Variants in CNTN4 observed in about 807,000 individuals in gnomAD.
The protein encoded by CNTN4 is contactin 4.
A neutral mutation model predicts 122.5 loss-of-function variants in CNTN4; 77 were observed. The ratio of observed to expected loss-of-function variants is 0.63; its 90% CI spans 0.52 to 0.76. The LOEUF (loss-of-function observed/expected upper bound fraction) is 0.76, where lower values mean the gene tolerates loss of function less well. Ranked by LOEUF, CNTN4 falls within the 30% of genes least tolerant of loss-of-function variation. The pLI, the probability that CNTN4 is intolerant of heterozygous loss-of-function variation, is 0.00. For missense variants in CNTN4, 1,256 were observed against 1,259.1 expected, an observed-to-expected ratio of 1.00 and a Z score of 0.04; for synonymous variants, 512 against 447.0, an observed-to-expected ratio of 1.15 and a Z score of -1.83.
intron 3 of CNTN4, among the ~76,000 whole-genome samples, chr3:2,429,113 C>T (rs746530004): frequency 2.0e-5 from 3 of 152,158 alleles, no homozygotes; most frequent in African/African-American, 4.8e-5. Context: ...AGGTTTGTTC[C>T]ATTGCTGGCG....
intron 3 of CNTN4, among the ~76,000 whole-genome samples, chr3:2,446,368 A>G (rs924521501): frequency 2.6e-5 from 4 of 152,200 alleles, no homozygotes; most frequent in African/African-American, 9.6e-5. Flanking sequence ...AAGATAAACA[A>G]ATGTGATGTT....
chr3:2,838,101 T>G (rs1279809261), intron 7 of CNTN4, among the ~76,000 whole-genome samples: 5 of 152,184 alleles, frequency 3.3e-5, no homozygotes, highest in African/African-American at 1.2e-4. Flanking sequence ...CATGAGCAGT[T>G]TCATTCAAGA....
At chr3:2,845,639 T>C (rs572252872) in intron 7 of CNTN4, among the ~76,000 whole-genome samples, 23 of 152,226 alleles carry the variant, frequency 1.5e-4, no homozygotes, top group Admixed American at 5.2e-4. Flanking sequence ...AGAGTAGAGA[T>C]TGCAGTTTCA....
At chr3:2,909,642 C>T (rs56236310) in intron 12 of CNTN4, among the ~76,000 whole-genome samples, 63,027 of 151,892 alleles carry the variant, frequency 0.41, 13,281 homozygotes, top group East Asian at 0.67. Flanking sequence ...GGTGTGATTC[C>T]GAAGAACAAC....
intron 4 of CNTN4, among the ~76,000 whole-genome samples, chr3:2,592,722 C>T (rs1663845532): frequency 6.6e-6 from 1 of 152,212 alleles, no homozygotes; most frequent in African/African-American, 2.4e-5. Flanking sequence ...TAAATTGCCC[C>T]ATCTTGGGCA....
intron 3 of CNTN4, among the ~76,000 whole-genome samples, chr3:2,521,361 A>T (rs2077214130): frequency 2.3e-4 from 1 of 4,326 alleles, no homozygotes; most frequent in African/African-American, 1.5e-3. Context: ...ACCCCCCGCA[A>T]TAAGTCACTC....
At chr3:2,805,027 A>AG (rs369701515) in intron 6 of CNTN4, among the ~76,000 whole-genome samples, 4 of 151,898 alleles carry the variant, frequency 2.6e-5, no homozygotes, top group Non-Finnish European at 5.9e-5. Flanking sequence ...ATACAAAAAA[A>AG]TTTGCCGGGC....
intron 13 of CNTN4, among the ~76,000 whole-genome samples, chr3:2,942,477 A>T (rs1266889649): frequency 6.6e-6 from 1 of 152,226 alleles, no homozygotes. Flanking sequence ...CTTCCTCATG[A>T]GACGCAATTA....
intron 2 of CNTN4, among the ~76,000 whole-genome samples, chr3:2,194,511 A>C (rs1232361705): frequency 1.3e-5 from 2 of 152,152 alleles, no homozygotes; most frequent in Non-Finnish European, 2.9e-5. Flanking sequence ...TATATTAATA[A>C]TAAATTGTTA....
intron 4 of CNTN4, among the ~76,000 whole-genome samples, chr3:2,733,385 T>C (rs1242321563): frequency 1.3e-5 from 2 of 152,182 alleles, no homozygotes; most frequent in Non-Finnish European, 2.9e-5. Context: ...TTCTTTACCA[T>C]TGAAGTGAGC....
rs142089702 is a variant in CNTN4 at position 2,999,794 on chromosome 3, T to C, written c.1486+11322T>C. On this transcript the variant is annotated intron_variant, in intron 14 of 24. Coordinates refer to ENST00000418658, the MANE Select transcript of CNTN4 (RefSeq NM_175607.3). ...TAAGGATTATGTTTCAACATGAATT[T>C]TGGAAGGGACACAAACATTCAAACC... 2.7e-3 allele frequency among the ~76,000 whole-genome samples: 415 copies of C among 152,302 alleles called. 4 individuals carry two copies. Among genetic ancestry groups the C allele is most frequent in the Non-Finnish European group, 4.2e-3 (289 of 68,016 alleles).
At chr3:2,125,330 C>CTGTGTGTGTGTGTGTGTGTGTGTGTGTG (rs397721422) in intron 2 of CNTN4, among the ~76,000 whole-genome samples, 2 of 143,364 alleles carry the variant, frequency 1.4e-5, no homozygotes, top group Non-Finnish European at 3.0e-5. Context: ...ATTCTATTCT[C>CTGTGTGTGTGTGTGTGTGTGTGTGTGTG]TGTGTGTGTG....
intron 4 of CNTN4, among the ~76,000 whole-genome samples, chr3:2,609,989 G>A (rs561188522): frequency 6.6e-6 from 1 of 152,112 alleles, no homozygotes; most frequent in Non-Finnish European, 1.5e-5. Flanking sequence ...TTTGAGGTTA[G>A]AGATGATATC....
chr3:2,232,909 A>G (rs561594561), intron 2 of CNTN4, among the ~76,000 whole-genome samples: 2 of 152,302 alleles, frequency 1.3e-5, no homozygotes, highest in South Asian at 2.1e-4. Flanking sequence ...GGTTGAGTGG[A>G]AAGAAGAGAC....
At chr3:2,858,906 T>C (rs2093644875) in intron 7 of CNTN4, among the ~76,000 whole-genome samples, 1 of 152,238 alleles carries the variant, frequency 6.6e-6, no homozygotes, top group African/African-American at 2.4e-5. Context: ...CCATTTTTTC[T>C]ATGGCAAGAA....
rs545620214 is a variant in CNTN4 at position 2,512,100 on chromosome 3, C to T, written c.-88-59316C>T. ...CTGTATAAAAGAAGTGCCTGTATTT[C>T]CAGAATTTAAATTTAACATAGTTTA... On this transcript the variant is annotated intron_variant, in intron 3 of 24. Transcript: ENST00000418658. Among the ~76,000 whole-genome samples, 87 of 152,020 alleles carry T rather than the reference C, an allele frequency of 5.7e-4. 1 individual carries two copies. The highest frequency in any genetic ancestry group is 1.9e-3 in the African/African-American group (80 of 41,460).
chr3:2,364,594 C>G (rs566562325), intron 3 of CNTN4, among the ~76,000 whole-genome samples: 1 of 151,344 alleles, frequency 6.6e-6, no homozygotes, highest in African/African-American at 2.4e-5. Flanking sequence ...TAGTTGAGTC[C>G]CCGGAGAACA....
At chr3:2,365,433 C>T (rs972531574) in intron 3 of CNTN4, among the ~76,000 whole-genome samples, 2 of 152,138 alleles carry the variant, frequency 1.3e-5, no homozygotes, top group Non-Finnish European at 1.5e-5. Context: ...TTTCCAGGCC[C>T]AGTCAAATTA....
chr3:2,406,219 A>G (rs1033131577), intron 3 of CNTN4, among the ~76,000 whole-genome samples: 4 of 152,218 alleles, frequency 2.6e-5, no homozygotes, highest in Non-Finnish European at 4.4e-5. Context: ...AAAACCCAGC[A>G]GATACCACCT....
Sources: gnomAD v4.1 joint callset for allele counts (sites outside exome capture counted in the v4.1 genomes callset) on GRCh38, gnomAD v4.1.1 for gene constraint, MANE v1.5 for transcripts, NCBI Gene and HGNC (gene_info 2026-07-23, HGNC 2026-07-21) for gene names.